The following PRELID2 variants were observed in gnomAD, a reference collection of about 807,000 sequenced individuals.
PRELID2 encodes PRELI domain containing 2, also known as PRELI domain-containing protein 2.
PRELID2 carries 25 observed loss-of-function variants against 28.4 expected under a neutral mutation model. That is an observed-to-expected ratio of 0.88 (90% CI 0.64 to 1.23). PRELID2 has a LOEUF of 1.23. Among genes scored for constraint, PRELID2 ranks in the 50% most tolerant of loss-of-function variants. The pLI, the probability that PRELID2 is intolerant of heterozygous loss-of-function variation, is 0.00. For missense variants in PRELID2, 201 were observed against 214.4 expected, an observed-to-expected ratio of 0.94 and a Z score of 0.39; for synonymous variants, 76 against 71.6, an observed-to-expected ratio of 1.06 and a Z score of -0.31.
intron 1 of PRELID2, among the ~76,000 whole-genome samples, chr5:145,832,593 G>C (rs1581308112): frequency 6.6e-6 from 1 of 152,192 alleles, no homozygotes; most frequent in African/African-American, 2.4e-5. Context: ...GGATCCATGT[G>C]TTAAAATCCT....
the PRELID2 span, among the ~76,000 whole-genome samples, chr5:145,465,820 A>G: frequency 1.3e-5 from 2 of 152,148 alleles, no homozygotes; most frequent in African/African-American, 4.8e-5. Flanking sequence ...GGTGATTCTA[A>G]CACAAAACTA....
At chr5:145,439,258 A>G in the PRELID2 span, among the ~76,000 whole-genome samples, 4 of 152,076 alleles carry the variant, frequency 2.6e-5, no homozygotes, top group African/African-American at 9.7e-5. Context: ...ACTTCAGGTA[A>G]CATTCTGATT....
At chr5:145,419,592 G>C in the PRELID2 span, among the ~76,000 whole-genome samples, 1 of 146,462 alleles carries the variant, frequency 6.8e-6, no homozygotes, top group South Asian at 2.2e-4. Flanking sequence ...TTTTTTTCTT[G>C]TAAATTTGTT....
At chr5:145,307,869 G>A in the PRELID2 span, among the ~76,000 whole-genome samples, 1 of 152,104 alleles carries the variant, frequency 6.6e-6, no homozygotes, top group Non-Finnish European at 1.5e-5. Context: ...CCTTGACCTG[G>A]ACATCTATGT....
chr5:145,674,124 T>A (rs1401808640), intron 1 of PRELID2, among the ~76,000 whole-genome samples: 2 of 152,210 alleles, frequency 1.3e-5, no homozygotes, highest in Non-Finnish European at 2.9e-5. Context: ...GGTATTAAGA[T>A]GGTTTTTCAA....
the PRELID2 span, among the ~76,000 whole-genome samples, chr5:145,269,987 T>A: frequency 6.6e-6 from 1 of 151,244 alleles, no homozygotes; most frequent in South Asian, 2.1e-4. Context: ...TATGAGCACA[T>A]AAATATATGC....
chr5:145,387,556 C>T, the PRELID2 span, among the ~76,000 whole-genome samples: 23 of 152,096 alleles, frequency 1.5e-4, no homozygotes, highest in East Asian at 2.1e-3. Context: ...AAAATGTCTA[C>T]GCACTTAAAA....
intron 1 of PRELID2, among the ~76,000 whole-genome samples, chr5:145,539,865 A>G (rs2126670387): frequency 6.6e-6 from 1 of 152,014 alleles, no homozygotes. Context: ...GTATTTTTAC[A>G]AGGTATGATT....
the PRELID2 span, among the ~76,000 whole-genome samples, chr5:145,264,969 TA>T: frequency 0.028 from 1,591 of 56,860 alleles, 18 homozygotes; most frequent in African/African-American, 0.05. Context: ...AGTGCAACTC[TA>T]AAAAAAAAAA....
intron 1 of PRELID2, among the ~76,000 whole-genome samples, chr5:145,502,099 G>A (rs925738941): frequency 1.3e-5 from 2 of 152,038 alleles, no homozygotes; most frequent in African/African-American, 4.8e-5. Flanking sequence ...AAAGAAAAGA[G>A]GTTTAATTGG....
chr5:145,334,364 C>T, the PRELID2 span, among the ~76,000 whole-genome samples: 1 of 152,186 alleles, frequency 6.6e-6, no homozygotes, highest in Non-Finnish European at 1.5e-5. Context: ...TTCTCCCCCT[C>T]CAAAAACTTT....
At chr5:145,297,694 T>C in the PRELID2 span, among the ~76,000 whole-genome samples, 6 of 151,998 alleles carry the variant, frequency 3.9e-5, no homozygotes, top group African/African-American at 9.7e-5. Context: ...TGTTTGCAGA[T>C]GACATGATTG....
intron 1 of PRELID2, among the ~76,000 whole-genome samples, chr5:145,721,118 G>A (rs527363532): frequency 1.3e-5 from 2 of 152,062 alleles, no homozygotes; most frequent in South Asian, 2.1e-4. Flanking sequence ...CTTAATAGAA[G>A]ACAGCTAGAT....
At chr5:145,777,534 TG>T (rs1341925362) in intron 5 of PRELID2, among the ~76,000 whole-genome samples, 1 of 152,188 alleles carries the variant, frequency 6.6e-6, no homozygotes, top group Non-Finnish European at 1.5e-5. Context: ...AACTATAAAA[TG>T]GTAATGATAA....
chr5:145,366,812 G>A, the PRELID2 span, among the ~76,000 whole-genome samples: 1 of 151,748 alleles, frequency 6.6e-6, no homozygotes, highest in African/African-American at 2.4e-5. Context: ...ATCCATAGAT[G>A]CTCCATTTTC....
chr5:145,788,703 AAAAG>A (rs1265448410), intron 5 of PRELID2, among the ~76,000 whole-genome samples: 1 of 152,196 alleles, frequency 6.6e-6, no homozygotes, highest in African/African-American at 2.4e-5. Flanking sequence ...ACCCATGTAG[AAAAG>A]AAAGAAGTAA....
chr5:145,567,222 GT>G (rs1752974685), intron 1 of PRELID2, among the ~76,000 whole-genome samples: 1 of 152,162 alleles, frequency 6.6e-6, no homozygotes, highest in South Asian at 2.1e-4. Flanking sequence ...TATGGTTAGG[GT>G]TTGTGTCCCC....
intron 1 of PRELID2, among the ~76,000 whole-genome samples, chr5:145,741,351 A>T (rs1756728812): frequency 8.5e-6 from 1 of 117,450 alleles, no homozygotes; most frequent in Non-Finnish European, 1.6e-5. Context: ...AAATTTATTA[A>T]TAAATAATTT....
At chr5:145,419,270 G>C in the PRELID2 span, among the ~76,000 whole-genome samples, 125 of 139,002 alleles carry the variant, frequency 9.0e-4, 3 homozygotes, top group East Asian at 0.023. Context: ...GGGTCAAATG[G>C]TATTTCCAGT....
Sources: allele counts gnomAD v4.1 joint callset (sites outside exome capture counted in the v4.1 genomes callset), GRCh38; gene constraint gnomAD v4.1.1; transcripts MANE v1.5; gene names NCBI Gene and HGNC (gene_info 2026-07-23, HGNC 2026-07-21).